The following SUMF1 variants were observed in gnomAD, a reference collection of about 807,000 sequenced individuals.
The protein encoded by SUMF1 is sulfatase modifying factor 1, also known as formylglycine-generating enzyme.
A neutral mutation model predicts 47.6 loss-of-function variants in SUMF1; 48 were observed. That is an observed-to-expected ratio of 1.01 (90% CI 0.80 to 1.28). The LOEUF is 1.28. SUMF1 is among the 50% of genes most tolerant of loss of function. SUMF1 has a pLI of 0.00. For missense variants in SUMF1, 571 were observed against 485.4 expected (o/e 1.18, Z -1.66); for synonymous variants, 230 against 192.1 (o/e 1.20, Z -1.63).
intron 8 of SUMF1, among the ~76,000 whole-genome samples, chr3:4,211,119 T>TATATATATATATATATATACAC (rs1440211464): frequency 2.2e-5 from 3 of 133,778 alleles, no homozygotes; most frequent in African/African-American, 8.9e-5. Context: ...TATATATATA[T>TATATATATATATATATATACAC]ATACACACAC....
At chr3:4,378,454 G>T (rs937000053) in intron 7 of SUMF1, among the ~76,000 whole-genome samples, 5 of 152,162 alleles carry the variant, frequency 3.3e-5, no homozygotes, top group African/African-American at 1.2e-4. Context: ...CAAAGCCATT[G>T]GCTATTCCTC....
At chr3:4,074,761 T>C (rs1164114062) in intron 8 of SUMF1, among the ~76,000 whole-genome samples, 1 of 151,988 alleles carries the variant, frequency 6.6e-6, no homozygotes, top group East Asian at 1.9e-4. Context: ...AAGTCCTGGA[T>C]ACAGACACCC....
At chr3:4,356,380 T>C (rs1039350137), downstream of SUMF1, among the ~76,000 whole-genome samples, 2 of 152,158 alleles carry the variant, frequency 1.3e-5, no homozygotes, top group African/African-American at 4.8e-5. Flanking sequence ...GTGGCTCTGC[T>C]GAGATCACCG....
intron 4 of SUMF1, among the ~76,000 whole-genome samples, chr3:4,419,176 G>A (rs907079779): frequency 2.0e-5 from 3 of 152,140 alleles, no homozygotes; most frequent in Admixed American, 6.5e-5. Flanking sequence ...CTAAATTCAG[G>A]AAAGCAGATA....
At chr3:4,396,092 C>T (rs1005180862) in intron 7 of SUMF1, among the ~76,000 whole-genome samples, 1 of 152,146 alleles carries the variant, frequency 6.6e-6, no homozygotes, top group Non-Finnish European at 1.5e-5. Context: ...AATGTTTGGA[C>T]ACCCACTCAT....
chr3:4,235,611 A>G (rs1038541119), intron 8 of SUMF1, among the ~76,000 whole-genome samples: 3 of 152,136 alleles, frequency 2.0e-5, no homozygotes, highest in South Asian at 2.1e-4. Context: ...TTTAAGAGAT[A>G]TATCATAAAA....
intron 8 of SUMF1, among the ~76,000 whole-genome samples, chr3:4,319,438 A>AG (rs920026937): frequency 6.6e-6 from 1 of 152,156 alleles, no homozygotes; most frequent in African/African-American, 2.4e-5. Context: ...GAAGGAATTA[A>AG]GGGGGGTAAA....
At chr3:4,284,610 T>G (rs1363678188) in intron 8 of SUMF1, among the ~76,000 whole-genome samples, 1 of 152,078 alleles carries the variant, frequency 6.6e-6, no homozygotes, top group African/African-American at 2.4e-5. Context: ...TTGATATATA[T>G]TTTACTCCAG....
At chr3:4,128,093 G>T (rs2125084019) in intron 8 of SUMF1, among the ~76,000 whole-genome samples, 1 of 152,210 alleles carries the variant, frequency 6.6e-6, no homozygotes, top group Middle Eastern at 3.4e-3. Flanking sequence ...TGAACTCAGG[G>T]ATTCTATCTC....
chr3:4,349,946 G>GTT (rs78558015), intron 8 of SUMF1, among the ~76,000 whole-genome samples: 1 of 143,840 alleles, frequency 7.0e-6, no homozygotes, highest in East Asian at 2.0e-4. Context: ...CATGCATCCG[G>GTT]TTTTTTTTTT....
intron 8 of SUMF1, among the ~76,000 whole-genome samples, chr3:4,211,838 G>C (rs139607275): frequency 6.6e-6 from 1 of 152,164 alleles, no homozygotes; most frequent in Non-Finnish European, 1.5e-5. Context: ...ACTGGGAGGA[G>C]CCCACTGCAG....
chr3:4,405,127 G>T (rs945877625), intron 7 of SUMF1, among the ~76,000 whole-genome samples: 1 of 152,168 alleles, frequency 6.6e-6, no homozygotes, highest in African/African-American at 2.4e-5. Context: ...GGAGTTTAGA[G>T]GATCTAAAAA....
chr3:4,277,305 C>G (rs1224301360), intron 8 of SUMF1, among the ~76,000 whole-genome samples: 1 of 152,008 alleles, frequency 6.6e-6, no homozygotes, highest in Non-Finnish European at 1.5e-5. Context: ...GTCTCCTTTC[C>G]CAAAAGCCTG....
intron 8 of SUMF1, among the ~76,000 whole-genome samples, chr3:4,167,175 G>T (rs529750136): frequency 1.3e-5 from 2 of 152,116 alleles, no homozygotes; most frequent in East Asian, 1.9e-4. Flanking sequence ...GCTCTTAAAG[G>T]TGGCACAGAC....
downstream of SUMF1, among the ~76,000 whole-genome samples, chr3:4,360,826 T>C (rs546681690): frequency 6.6e-6 from 1 of 152,230 alleles, no homozygotes; most frequent in Non-Finnish European, 1.5e-5. Flanking sequence ...GGACCTTAGG[T>C]TGAAAGCTAT....
intron 8 of SUMF1, among the ~76,000 whole-genome samples, chr3:4,134,288 C>G (rs1330227374): frequency 6.6e-6 from 1 of 152,122 alleles, no homozygotes; most frequent in Non-Finnish European, 1.5e-5. Context: ...ACAGTGCAAT[C>G]AAACTAGAAC....
At chr3:4,143,911 T>C (rs991267610) in intron 8 of SUMF1, among the ~76,000 whole-genome samples, 3 of 151,852 alleles carry the variant, frequency 2.0e-5, no homozygotes, top group Non-Finnish European at 2.9e-5. Flanking sequence ...GCCACGGTGA[T>C]ATGTACGCAT....
intron 7 of SUMF1, among the ~76,000 whole-genome samples, chr3:4,395,041 C>T (rs946257634): frequency 8.5e-5 from 13 of 152,256 alleles, no homozygotes; most frequent in Middle Eastern, 3.4e-3. Flanking sequence ...TATACTAATC[C>T]TTATCATCGT....
intron 3 of SUMF1, 25 bp downstream of exon 3, chr3:4,449,241 A>G (rs1171602751): frequency 6.2e-7 from 1 of 1,613,390 alleles, no homozygotes; most frequent in East Asian, 2.2e-5. Context: ...AGAGAAATAC[A>G]GGAGCCTGTT....
Sources: allele counts gnomAD v4.1 joint callset (sites outside exome capture counted in the v4.1 genomes callset), GRCh38; gene constraint gnomAD v4.1.1; transcripts MANE v1.5; gene names NCBI Gene and HGNC (gene_info 2026-07-23, HGNC 2026-07-21).